The following ATOSA variants were observed in gnomAD, a reference collection of about 807,000 sequenced individuals.
ATOSA encodes atos homolog protein A.
chr15:52,599,660 T>G, the ATOSA span, among the ~76,000 whole-genome samples: 1 of 152,328 alleles, frequency 6.6e-6, no homozygotes, highest in Admixed American at 6.5e-5. Flanking sequence ...TCAGAAATCT[T>G]TATTTGAATT....
At chr15:52,625,002 C>G in the ATOSA span, among the ~76,000 whole-genome samples, 1 of 152,062 alleles carries the variant, frequency 6.6e-6, no homozygotes, top group Non-Finnish European at 1.5e-5. Flanking sequence ...TGGTCTCAAA[C>G]TCCTAACTTC....
At chr15:52,686,408 A>T in the ATOSA span, among the ~76,000 whole-genome samples, 1 of 152,246 alleles carries the variant, frequency 6.6e-6, no homozygotes, top group Non-Finnish European at 1.5e-5. Context: ...ACAGAGTTCT[A>T]CCCTTCAAAA....
At chr15:52,588,655 C>T in the ATOSA span, among the ~76,000 whole-genome samples, 1 of 152,080 alleles carries the variant, frequency 6.6e-6, no homozygotes, top group African/African-American at 2.4e-5. Context: ...GTGGTTCTAC[C>T]ATGTTGTCCA....
chr15:52,659,692 A>G, the ATOSA span, among the ~76,000 whole-genome samples: 1 of 152,192 alleles, frequency 6.6e-6, no homozygotes, highest in African/African-American at 2.4e-5. Flanking sequence ...ATGAAATACC[A>G]GTTAATGAAA....
the ATOSA span, among the ~76,000 whole-genome samples, chr15:52,591,009 A>T: frequency 6.6e-6 from 1 of 152,206 alleles, no homozygotes; most frequent in African/African-American, 2.4e-5. Flanking sequence ...GGAGTGACAA[A>T]ATCTTTTATC....
the ATOSA span, among the ~76,000 whole-genome samples, chr15:52,690,763 G>A: frequency 6.6e-6 from 1 of 152,162 alleles, no homozygotes; most frequent in African/African-American, 2.4e-5. Context: ...AAATAAAAAG[G>A]CTGGCCATTT....
the ATOSA span, among the ~76,000 whole-genome samples, chr15:52,619,255 G>A: frequency 6.6e-6 from 1 of 152,104 alleles, no homozygotes; most frequent in African/African-American, 2.4e-5. Flanking sequence ...TTGAAAATTG[G>A]CAGTAAAAAA....
chr15:52,586,263 T>C, the ATOSA span: 23 of 152,306 alleles, frequency 1.5e-4, no homozygotes, highest in African/African-American at 5.5e-4. Context: ...TATATATATA[T>C]ATACACACAC....
At chr15:52,670,258 C>G in the ATOSA span, among the ~76,000 whole-genome samples, 2 of 152,188 alleles carry the variant, frequency 1.3e-5, no homozygotes, top group African/African-American at 2.4e-5. Flanking sequence ...GCAGCTGTTC[C>G]AAGCTGTGTA....
chr15:52,708,425 C>T, the ATOSA span, among the ~76,000 whole-genome samples: 5 of 152,092 alleles, frequency 3.3e-5, no homozygotes, highest in Non-Finnish European at 7.4e-5. Flanking sequence ...AACTCTCCTG[C>T]TTGTGTGATT....
chr15:52,622,041 T>G, the ATOSA span, among the ~76,000 whole-genome samples: 2 of 152,064 alleles, frequency 1.3e-5, no homozygotes, highest in East Asian at 3.9e-4. Flanking sequence ...GAGATGGGGT[T>G]TCACTATATT....
the ATOSA span, among the ~76,000 whole-genome samples, chr15:52,607,977 C>A: frequency 0.023 from 3,497 of 152,206 alleles, 109 homozygotes; most frequent in African/African-American, 0.072. Flanking sequence ...AACTCCTGGG[C>A]TCAAGTGATT....
the ATOSA span, chr15:52,611,023 A>G: frequency 7.8e-7 from 1 of 1,283,954 alleles, no homozygotes; most frequent in East Asian, 2.4e-5. Flanking sequence ...TTATCCACTT[A>G]CATTTAGAAT....
At chr15:52,668,081 A>C in the ATOSA span, among the ~76,000 whole-genome samples, 1 of 152,350 alleles carries the variant, frequency 6.6e-6, no homozygotes. Flanking sequence ...AAGGAAATGA[A>C]ATCAGCATGT....
the ATOSA span, among the ~76,000 whole-genome samples, chr15:52,707,457 A>C: frequency 2.6e-5 from 4 of 152,222 alleles, no homozygotes; most frequent in Non-Finnish European, 5.9e-5. Context: ...CGTCAAGAAC[A>C]TAAAATGATC....
chr15:52,616,456 G>A, the ATOSA span, among the ~76,000 whole-genome samples: 1 of 152,222 alleles, frequency 6.6e-6, no homozygotes, highest in African/African-American at 2.4e-5. Flanking sequence ...ACCCCTGGTT[G>A]GAAGTGGTGG....
At chr15:52,602,484 A>G in the ATOSA span, among the ~76,000 whole-genome samples, 1 of 152,152 alleles carries the variant, frequency 6.6e-6, no homozygotes, top group African/African-American at 2.4e-5. Flanking sequence ...CGTATTTGCT[A>G]TAAAAATAAA....
the ATOSA span, chr15:52,649,677 T>C: frequency 8.5e-5 from 13 of 152,246 alleles, no homozygotes; most frequent in South Asian, 4.1e-4. Flanking sequence ...AGATATGACA[T>C]AGACAAAGAC....
chr15:52,628,336 A>G, the ATOSA span, among the ~76,000 whole-genome samples: 1 of 152,216 alleles, frequency 6.6e-6, no homozygotes, highest in Admixed American at 6.5e-5. Context: ...TTTCTAGATA[A>G]AAGACTTAAA....
Sources: gnomAD v4.1 joint callset for allele counts (sites outside exome capture counted in the v4.1 genomes callset) on GRCh38, gnomAD v4.1.1 for gene constraint, MANE v1.5 for transcripts, NCBI Gene and HGNC (gene_info 2026-07-23, HGNC 2026-07-21) for gene names.